Variants in PPP1R9A observed in about 807,000 individuals in gnomAD.
The protein encoded by PPP1R9A is protein phosphatase 1 regulatory subunit 9A, also known as neurabin-1.
PPP1R9A carries 59 observed loss-of-function variants against 141.9 expected under a neutral mutation model. That is an observed-to-expected ratio of 0.42 (90% confidence interval 0.34 to 0.52). PPP1R9A has a LOEUF of 0.52. Among genes scored for constraint, PPP1R9A ranks in the 20% least tolerant of loss-of-function variants. PPP1R9A has a pLI of 0.10. For synonymous variants in PPP1R9A, 500 were observed against 569.7 expected (o/e 0.88, Z 1.74); for missense variants, 1,444 against 1,611.9 (o/e 0.90, Z 1.78).
intron 4 of PPP1R9A, among the ~76,000 whole-genome samples, chr7:95,134,796 A>G (rs73429094): frequency 0.088 from 13,468 of 152,186 alleles, 1,673 homozygotes; most frequent in African/African-American, 0.28. Context: ...CAGTTTCAGG[A>G]ACCAATTTTT....
chr7:94,976,959 C>T (rs6950265), intron 2 of PPP1R9A, among the ~76,000 whole-genome samples: 3 of 151,688 alleles, frequency 2.0e-5, no homozygotes, highest in Admixed American at 6.6e-5. Context: ...GTGTGTGTTG[C>T]GATATATTGG....
intron 2 of PPP1R9A, among the ~76,000 whole-genome samples, chr7:95,003,764 G>A (rs7795316): frequency 0.089 from 13,490 of 152,140 alleles, 669 homozygotes; most frequent in East Asian, 0.14. Context: ...TAGGGCCTAG[G>A]CATGGTTAAT....
chr7:95,166,470 T>C (rs991811990), intron 5 of PPP1R9A, among the ~76,000 whole-genome samples: 4 of 152,046 alleles, frequency 2.6e-5, no homozygotes, highest in African/African-American at 9.7e-5. Context: ...CAGGAAGAAA[T>C]AGAAAACTGG....
At chr7:95,187,629 G>A (rs1834843000) in intron 5 of PPP1R9A, among the ~76,000 whole-genome samples, 1 of 152,098 alleles carries the variant, frequency 6.6e-6, no homozygotes, top group South Asian at 2.1e-4. Context: ...ACTTTTTGAT[G>A]TAGGCAGTTA....
chr7:95,094,403 C>T (rs1817742474), intron 2 of PPP1R9A, among the ~76,000 whole-genome samples: 1 of 152,186 alleles, frequency 6.6e-6, no homozygotes, highest in South Asian at 2.1e-4. Context: ...TTCATTCTCT[C>T]TCCTCTGTCA....
intron 7 of PPP1R9A, among the ~76,000 whole-genome samples, chr7:95,218,874 G>A (rs566363026): frequency 9.0e-4 from 137 of 152,308 alleles, no homozygotes; most frequent in African/African-American, 2.9e-3. Context: ...CTGCACATGA[G>A]ATGGGTTTCC....
At chr7:95,087,353 T>G (rs1448779454) in intron 2 of PPP1R9A, among the ~76,000 whole-genome samples, 1 of 152,082 alleles carries the variant, frequency 6.6e-6, no homozygotes, top group Non-Finnish European at 1.5e-5. Flanking sequence ...GATAAATACT[T>G]CAGTTTTAAG....
intron 12 of PPP1R9A, among the ~76,000 whole-genome samples, chr7:95,258,049 G>T (rs1286417343): frequency 1.3e-5 from 2 of 152,056 alleles, no homozygotes; most frequent in African/African-American, 4.8e-5. Flanking sequence ...GGATGGCTGG[G>T]TCAAATGGTA....
chr7:95,259,979 A>G (rs1318779816), intron 12 of PPP1R9A, among the ~76,000 whole-genome samples: 2 of 152,174 alleles, frequency 1.3e-5, no homozygotes, highest in Non-Finnish European at 2.9e-5. Context: ...CTTATTTTCA[A>G]TTTTGTTTAA....
rs888947552 is a variant in PPP1R9A at position 95,290,131 on chromosome 7, A to G, written c.3953A>G (p.Lys1318Arg). The G allele has an allele frequency of 1.9e-6, 3 of 1,614,022 alleles. No individual in the cohort carries two copies. Among genetic ancestry groups the G allele is most frequent in the Non-Finnish European group, 2.5e-6 (3 of 1,180,014 alleles). Residue 1318 changes from lysine (K) to arginine (R), a missense_variant, in exon 20 of 20, where the codon AAA (lysine) becomes AGA (arginine). Lys to Arg is a conservative substitution (Grantham distance 26). Transcript: ENST00000433360. ...MTASQDRAVV[K>R]KKLKEMKMSL... ...GCATCCCAGGACCGAGCAGTGGTCA[A>G]AAAGAAACTCAAGGAAATGAAGATG...
intron 2 of PPP1R9A, among the ~76,000 whole-genome samples, chr7:95,105,460 G>GA (rs1480884993): frequency 2.6e-5 from 4 of 152,216 alleles, no homozygotes; most frequent in Admixed American, 2.0e-4. Flanking sequence ...CGAGAAACCA[G>GA]AATATCACTT....
chr7:95,252,564 T>C (rs1259335836), intron 12 of PPP1R9A, among the ~76,000 whole-genome samples: 3 of 149,826 alleles, frequency 2.0e-5, no homozygotes, highest in Non-Finnish European at 4.4e-5. Context: ...GCCTCCCAGG[T>C]TCAAGCGATT....
At chr7:95,247,593 C>A in intron 9 of PPP1R9A, 67 bp downstream of exon 9, 1 of 1,289,236 alleles carries the variant, frequency 7.8e-7, no homozygotes, top group Non-Finnish European at 1.1e-6. Context: ...TAAATCCAAT[C>A]CTAGGACTAA....
chr7:95,131,868 G>A (rs1226156715), intron 4 of PPP1R9A, among the ~76,000 whole-genome samples: 2 of 151,984 alleles, frequency 1.3e-5, no homozygotes, highest in Non-Finnish European at 2.9e-5. Context: ...ATTTCTTTTA[G>A]TAGTGTTTTA....
At chr7:95,227,952 C>G (rs1181173957) in intron 8 of PPP1R9A, among the ~76,000 whole-genome samples, 1 of 152,172 alleles carries the variant, frequency 6.6e-6, no homozygotes, top group African/African-American at 2.4e-5. Flanking sequence ...CTGTGTGGCA[C>G]TCTTTTGTGA....
intron 3 of PPP1R9A, among the ~76,000 whole-genome samples, chr7:95,117,111 A>C (rs1278676927): frequency 6.6e-6 from 1 of 152,204 alleles, no homozygotes; most frequent in Non-Finnish European, 1.5e-5. Flanking sequence ...CAAAATGGGA[A>C]ACCAGAAGTT....
At chr7:95,002,709 G>T (rs1389709645) in intron 2 of PPP1R9A, among the ~76,000 whole-genome samples, 1 of 152,192 alleles carries the variant, frequency 6.6e-6, no homozygotes, top group African/African-American at 2.4e-5. Context: ...GTAGAGTCAG[G>T]AAGAAATCAT....
At chr7:95,210,568 C>A (rs771641494) in intron 7 of PPP1R9A, among the ~76,000 whole-genome samples, 4 of 151,936 alleles carry the variant, frequency 2.6e-5, no homozygotes, top group Non-Finnish European at 4.4e-5. Context: ...CCGGTTCAAG[C>A]GATTCTCCTG....
intron 2 of PPP1R9A, among the ~76,000 whole-genome samples, chr7:94,989,086 T>G (rs1259339773): frequency 1.3e-5 from 2 of 151,982 alleles, no homozygotes; most frequent in African/African-American, 4.8e-5. Context: ...GGAAGTTTGG[T>G]TAGAAAAGTA....
Sources: gnomAD v4.1 joint callset for allele counts (sites outside exome capture counted in the v4.1 genomes callset) on GRCh38, gnomAD v4.1.1 for gene constraint, MANE v1.5 for transcripts, NCBI Gene and HGNC (gene_info 2026-07-23, HGNC 2026-07-21) for gene names.